CERS6: variants seen among roughly 807,000 people sequenced by gnomAD.
The protein encoded by CERS6 is ceramide synthase 6.
In CERS6, 26 loss-of-function variants were observed where a neutral mutation model predicts 56.8. The observed-to-expected ratio is 0.46, with a 90% CI of 0.34 to 0.63. The LOEUF is 0.63. CERS6 is among the 30% of genes least tolerant of loss of function. CERS6 has a pLI of 0.01. For synonymous variants in CERS6, 164 were observed against 173.3 expected (o/e 0.95, Z 0.42); for missense variants, 415 against 467.5 (o/e 0.89, Z 1.04).
chr2:168,565,180 T>C (rs1484358026), intron 3 of CERS6, among the ~76,000 whole-genome samples: 4 of 152,244 alleles, frequency 2.6e-5, no homozygotes, highest in African/African-American at 9.6e-5. Context: ...AGTAGAATTA[T>C]AGTGGTCTGT....
At chr2:168,497,950 A>T (rs943537482) in intron 1 of CERS6, among the ~76,000 whole-genome samples, 31 of 152,194 alleles carry the variant, frequency 2.0e-4, no homozygotes, top group African/African-American at 6.3e-4. Flanking sequence ...GACCCTTACT[A>T]ATAACAATGG....
chr2:168,509,340 T>C (rs1574031948), intron 1 of CERS6, among the ~76,000 whole-genome samples: 1 of 152,214 alleles, frequency 6.6e-6, no homozygotes, highest in African/African-American at 2.4e-5. Context: ...AAAATCACCT[T>C]TAAGTTAATG....
chr2:168,532,469 T>C (rs1261189343), intron 1 of CERS6, among the ~76,000 whole-genome samples: 2 of 152,144 alleles, frequency 1.3e-5, no homozygotes, highest in Non-Finnish European at 2.9e-5. Context: ...TTGCCTTGAA[T>C]GCCATCCTTT....
intron 8 of CERS6, among the ~76,000 whole-genome samples, chr2:168,756,691 A>G (rs554997775): frequency 1.1e-4 from 16 of 152,310 alleles, no homozygotes; most frequent in African/African-American, 3.6e-4. Context: ...CTCCATCATA[A>G]TGTGGGGACG....
At chr2:168,472,335 T>C (rs922778861) in intron 1 of CERS6, among the ~76,000 whole-genome samples, 2 of 152,158 alleles carry the variant, frequency 1.3e-5, no homozygotes, top group Non-Finnish European at 2.9e-5. Context: ...ATCAGAACAT[T>C]ACTGGTACCC....
intron 5 of CERS6, among the ~76,000 whole-genome samples, chr2:168,691,682 T>C (rs1686506616): frequency 6.6e-6 from 1 of 152,238 alleles, no homozygotes; most frequent in Non-Finnish European, 1.5e-5. Context: ...CTGGCATACC[T>C]TTGCATCTTT....
At chr2:168,506,385 C>T (rs186272140) in intron 1 of CERS6, among the ~76,000 whole-genome samples, 56 of 152,230 alleles carry the variant, frequency 3.7e-4, no homozygotes, top group African/African-American at 1.2e-3. Context: ...CTTCCTCAGC[C>T]TTTTTAAGAG....
chr2:168,700,815 G>A (rs1574172222), intron 6 of CERS6, among the ~76,000 whole-genome samples: 1 of 152,198 alleles, frequency 6.6e-6, no homozygotes, highest in Non-Finnish European at 1.5e-5. Context: ...AGTAGTACAT[G>A]TACTTAGAAG....
intron 6 of CERS6, among the ~76,000 whole-genome samples, chr2:168,708,919 TATTATTTTTAATGAAAA>T (rs1442522196): frequency 1.3e-5 from 2 of 152,174 alleles, no homozygotes; most frequent in Non-Finnish European, 2.9e-5. Context: ...TATGTGTATG[TATTATTTTTAATGAAAA>T]ATGGGTGAAT....
chr2:168,630,691 A>G (rs1684695355), intron 3 of CERS6, among the ~76,000 whole-genome samples: 1 of 152,190 alleles, frequency 6.6e-6, no homozygotes, highest in Non-Finnish European at 1.5e-5. Flanking sequence ...TTCATGAGTG[A>G]TAAACAAGAA....
chr2:168,482,890 G>A (rs1694203585), intron 1 of CERS6, among the ~76,000 whole-genome samples: 1 of 152,204 alleles, frequency 6.6e-6, no homozygotes, highest in Admixed American at 6.5e-5. Context: ...TAATAAAATA[G>A]CCATCTCTTA....
intron 3 of CERS6, among the ~76,000 whole-genome samples, chr2:168,580,860 A>G (rs566295203): frequency 7.2e-5 from 11 of 152,144 alleles, no homozygotes; most frequent in Non-Finnish European, 1.3e-4. Flanking sequence ...CAGAGAAGCC[A>G]TAGTCACTCT....
chr2:168,549,217 G>GC (rs2105373376), intron 2 of CERS6, among the ~76,000 whole-genome samples: 1 of 151,898 alleles, frequency 6.6e-6, no homozygotes, highest in Admixed American at 6.6e-5. Context: ...CACATTTGAT[G>GC]CCTCTCCTTA....
chr2:168,464,221 C>T (rs1558959282), intron 1 of CERS6, among the ~76,000 whole-genome samples: 2 of 121,688 alleles, frequency 1.6e-5, no homozygotes, highest in African/African-American at 3.0e-5. Flanking sequence ...TGACAAGGGT[C>T]TCACTCTGTT....
chr2:168,605,415 G>C (rs1684029700), intron 3 of CERS6, among the ~76,000 whole-genome samples: 1 of 152,204 alleles, frequency 6.6e-6, no homozygotes, highest in Non-Finnish European at 1.5e-5. Context: ...ATTTAAAAGG[G>C]AAGCAGAGCA....
At chr2:168,476,277 A>G (rs150498133) in intron 1 of CERS6, among the ~76,000 whole-genome samples, 23 of 152,208 alleles carry the variant, frequency 1.5e-4, no homozygotes, top group African/African-American at 5.3e-4. Flanking sequence ...GAAGCTAATA[A>G]AGAAAAAAAA....
intron 8 of CERS6, among the ~76,000 whole-genome samples, chr2:168,735,405 G>T (rs571876429): frequency 6.6e-6 from 1 of 152,150 alleles, no homozygotes; most frequent in East Asian, 1.9e-4. Context: ...TACAAGAACA[G>T]TTTTTTTCTG....
At chr2:168,731,807 T>A (rs746850307) in intron 8 of CERS6, among the ~76,000 whole-genome samples, 1 of 152,220 alleles carries the variant, frequency 6.6e-6, no homozygotes, top group Non-Finnish European at 1.5e-5. Flanking sequence ...AACAAACTCC[T>A]TGTCTCTTCA....
At chr2:168,710,102 G>A (rs771370046) in intron 6 of CERS6, among the ~76,000 whole-genome samples, 1 of 152,128 alleles carries the variant, frequency 6.6e-6, no homozygotes, top group Non-Finnish European at 1.5e-5. Flanking sequence ...TGTAGGACCA[G>A]GTGATTTATA....
Sources: allele counts gnomAD v4.1 joint callset (sites outside exome capture counted in the v4.1 genomes callset), GRCh38; gene constraint gnomAD v4.1.1; transcripts MANE v1.5; gene names NCBI Gene and HGNC (gene_info 2026-07-23, HGNC 2026-07-21).